Variants in ARHGAP6 observed in about 807,000 individuals in gnomAD.
ARHGAP6 encodes the protein Rho GTPase activating protein 6, also known as rho GTPase-activating protein 6.
Under a neutral mutation model 55.7 loss-of-function variants are expected in ARHGAP6, and 16 were observed. That is an observed-to-expected ratio of 0.29 (90% CI 0.19 to 0.44). The LOEUF (loss-of-function observed/expected upper bound fraction) is 0.44. Among genes scored for constraint, ARHGAP6 ranks in the 20% least tolerant of loss-of-function variants. ARHGAP6 has a pLI of 1.00. For missense variants in ARHGAP6, 698 were observed against 808.9 expected (o/e 0.86, Z 1.66); for synonymous variants, 382 against 360.9 (o/e 1.06, Z -0.66).
At chrX:11,319,948 G>T (rs989545278) in intron 1 of ARHGAP6, among the ~76,000 whole-genome samples, 2 of 112,082 alleles carry the variant, frequency 1.8e-5, no homozygotes, top group Non-Finnish European at 3.8e-5. Context: ...AAACAGCTGG[G>T]GGGGAAAATA....
At chrX:11,426,800 A>C (rs1404927309) in intron 1 of ARHGAP6, among the ~76,000 whole-genome samples, 2 of 109,043 alleles carry the variant, frequency 1.8e-5, no homozygotes, top group Non-Finnish European at 3.8e-5. Flanking sequence ...TTAACCTTAA[A>C]ATCTTGACTC....
chrX:11,599,090 T>C (rs1351819085), intron 1 of ARHGAP6, among the ~76,000 whole-genome samples: 1 of 110,824 alleles, frequency 9.0e-6, no homozygotes, highest in Non-Finnish European at 1.9e-5. Flanking sequence ...AATAAAGCTA[T>C]TTATTTTCAG....
intron 1 of ARHGAP6, among the ~76,000 whole-genome samples, chrX:11,498,380 T>G (rs746047553): frequency 6.2e-5 from 7 of 112,182 alleles, no homozygotes; most frequent in Non-Finnish European, 1.3e-4. Flanking sequence ...ATACTCTCAT[T>G]TTCTTTCACT....
intron 1 of ARHGAP6, among the ~76,000 whole-genome samples, chrX:11,551,555 C>CA (rs1277374974): frequency 1.8e-5 from 2 of 110,500 alleles, no homozygotes; most frequent in Non-Finnish European, 3.8e-5. Context: ...ATTGTGTCTC[C>CA]AAAAAAAAGA....
intron 1 of ARHGAP6, among the ~76,000 whole-genome samples, chrX:11,539,034 T>C (rs966527994): frequency 3.0e-4 from 33 of 110,552 alleles, no homozygotes; most frequent in African/African-American, 1.0e-3. Context: ...TTTTTGTATT[T>C]TTAGTAGAGA....
chrX:11,539,534 C>T (rs1202467463), intron 1 of ARHGAP6, among the ~76,000 whole-genome samples: 1 of 111,874 alleles, frequency 8.9e-6, no homozygotes, highest in Non-Finnish European at 1.9e-5. Flanking sequence ...ATGACAGACC[C>T]GCTAACCATC....
At chrX:11,391,349 T>G (rs920509999) in intron 1 of ARHGAP6, among the ~76,000 whole-genome samples, 8 of 110,765 alleles carry the variant, frequency 7.2e-5, no homozygotes, top group South Asian at 3.9e-4. Flanking sequence ...AGCATTAGGA[T>G]ATATACCTAA....
rs750695277 is a variant in ARHGAP6, at chrX:11,173,993, T to TA, written c.1629+4106dup. Reference sequence around the variant, plus strand: ...ACCCTAACAAATAGATAATACATACTAAAAAAATAGGGAAGAGAAGAAGTT... The same window carrying TA: ...ACCCTAACAAATAGATAATACATACTAAAAAAAATAGGGAAGAGAAGAAGTT... On this transcript the variant is annotated intron_variant, in intron 8 of 12. Coordinates refer to ENST00000337414, the MANE Select transcript of ARHGAP6 (RefSeq NM_013427.3). Among the ~76,000 whole-genome samples the TA allele has an allele frequency of 6.3e-5, 7 of 111,808 alleles. No homozygotes were observed. The East Asian group carries it at 2.0e-3, about 31-fold the overall frequency.
At chrX:11,286,657 C>G (rs1427740267) in intron 1 of ARHGAP6, among the ~76,000 whole-genome samples, 2 of 111,767 alleles carry the variant, frequency 1.8e-5, no homozygotes, top group Non-Finnish European at 3.8e-5. Flanking sequence ...TTTGGTTAGT[C>G]ACAACTTAAG....
At chrX:11,514,187 A>T (rs190045682) in intron 1 of ARHGAP6, among the ~76,000 whole-genome samples, 7,916 of 103,580 alleles carry the variant, frequency 0.076, 463 homozygotes, top group East Asian at 0.16. Context: ...AAAAAAAAAA[A>T]AGTGGTTTTA....
At chrX:11,573,597 T>C (rs2147110314) in intron 1 of ARHGAP6, among the ~76,000 whole-genome samples, 1 of 110,765 alleles carries the variant, frequency 9.0e-6, no homozygotes, top group East Asian at 2.8e-4. Context: ...AGACTTGTAG[T>C]ATAGTTTGAA....
chrX:11,381,489 G>T (rs921749587), intron 1 of ARHGAP6, among the ~76,000 whole-genome samples: 2 of 112,018 alleles, frequency 1.8e-5, no homozygotes, highest in Non-Finnish European at 3.8e-5. Flanking sequence ...GACCATAGAA[G>T]ATATAAACCA....
At chrX:11,336,566 C>T (rs1368719746) in intron 1 of ARHGAP6, among the ~76,000 whole-genome samples, 1 of 111,772 alleles carries the variant, frequency 8.9e-6, no homozygotes, top group African/African-American at 3.3e-5. Context: ...ATATACAGCC[C>T]CAGATGTCTA....
intron 1 of ARHGAP6, among the ~76,000 whole-genome samples, chrX:11,506,245 C>A (rs1337891956): frequency 9.0e-6 from 1 of 111,011 alleles, no homozygotes; most frequent in African/African-American, 3.3e-5. Context: ...TACATAGTCT[C>A]CTTTTTTATA....
At chrX:11,146,972 A>T (rs1004009417) in intron 10 of ARHGAP6, among the ~76,000 whole-genome samples, 1 of 111,061 alleles carries the variant, frequency 9.0e-6, no homozygotes, top group African/African-American at 3.3e-5. Flanking sequence ...ATGAAAGCAC[A>T]CCGATTAAAA....
chrX:11,647,515 C>A (rs749110437), intron 1 of ARHGAP6, among the ~76,000 whole-genome samples: 63 of 111,930 alleles, frequency 5.6e-4, no homozygotes, highest in Non-Finnish European at 1.1e-3. Context: ...AAAGGGCAGG[C>A]GAATCCAAAT....
chrX:11,367,036 A>G (rs1391450571), intron 1 of ARHGAP6, among the ~76,000 whole-genome samples: 1 of 111,535 alleles, frequency 9.0e-6, no homozygotes, highest in Non-Finnish European at 1.9e-5. Flanking sequence ...GTTATGGAAA[A>G]GGGAAGAAAA....
intron 1 of ARHGAP6, among the ~76,000 whole-genome samples, chrX:11,268,956 C>T (rs761986235): frequency 1.1e-4 from 12 of 111,233 alleles, no homozygotes; most frequent in Non-Finnish European, 1.3e-4. Context: ...GGCAATATAG[C>T]CAGCGTGAAA....
At chrX:11,160,187 C>T (rs1167966489) in intron 9 of ARHGAP6, among the ~76,000 whole-genome samples, 2 of 109,847 alleles carry the variant, frequency 1.8e-5, no homozygotes, top group Non-Finnish European at 3.8e-5. Context: ...CGGTGGCTCA[C>T]GCCTGTAATC....
Sources: gnomAD v4.1 joint callset for allele counts (sites outside exome capture counted in the v4.1 genomes callset) on GRCh38, gnomAD v4.1.1 for gene constraint, MANE v1.5 for transcripts, NCBI Gene and HGNC (gene_info 2026-07-23, HGNC 2026-07-21) for gene names.